HAL: variants seen among roughly 807,000 people sequenced by gnomAD.
HAL encodes the protein histidase.
A neutral mutation model predicts 81.1 loss-of-function variants in HAL; 85 were observed. That is an observed-to-expected ratio of 1.05 (90% CI 0.88 to 1.25). The LOEUF (loss-of-function observed/expected upper bound fraction) is 1.25, where lower values mean the gene tolerates loss of function less well. HAL is among the 50% of genes most tolerant of loss of function. The pLI is 0.00. For missense variants in HAL, 798 were observed against 836.6 expected, an observed-to-expected ratio of 0.95 and a Z score of 0.57; for synonymous variants, 301 against 309.2, an observed-to-expected ratio of 0.97 and a Z score of 0.28.
chr12:95,974,522 C>A, intron 20 of HAL, 150 bp from the exon 21 acceptor site: 1 of 739,716 alleles, frequency 1.4e-6, no homozygotes. Flanking sequence ...CCATTTGACA[C>A]ATGACCTGTG....
intron 17 of HAL, among the ~76,000 whole-genome samples, chr12:95,979,379 T>C (rs2080764369): frequency 6.6e-6 from 1 of 152,246 alleles, no homozygotes; most frequent in South Asian, 2.1e-4. Flanking sequence ...AGTATTTTTT[T>C]AGTGCTTATG....
intron 12 of HAL, 61 bp from the exon 13 acceptor site, chr12:95,986,221 G>C: frequency 3.9e-6 from 4 of 1,021,016 alleles, no homozygotes; most frequent in Non-Finnish European, 6.1e-6. Context: ...TTTTAAAGAT[G>C]GGGGTCTCAC....
At position 95,987,259 on chromosome 12, in the gene HAL, G is replaced by A. The variant is rs199553802; in HGVS notation, c.904-45C>T. On this transcript the variant is annotated intron_variant, in intron 11 of 20. Coordinates refer to ENST00000261208, the MANE Select transcript of HAL (RefSeq NM_002108.4). Reference sequence around the variant, plus strand: ...AGTTTCCTACTGTGATTATTGTAACGAACCTACATACCCGTGGATTTTGTA... The same window carrying A: ...AGTTTCCTACTGTGATTATTGTAACAAACCTACATACCCGTGGATTTTGTA... The A allele has an allele frequency of 6.0e-5, 91 of 1,514,258 alleles. 1 individual carries two copies. The highest frequency in any genetic ancestry group is 7.3e-5 in the Non-Finnish European group (80 of 1,089,126). 93.8% of individuals were successfully genotyped at this position (1,514,258 alleles called of 1,614,324 possible).
At chr12:95,988,379 A>C in intron 10 of HAL, 139 bp from the exon 11 acceptor site, 1 of 688,010 alleles carries the variant, frequency 1.5e-6, no homozygotes, top group Non-Finnish European at 2.6e-6. Flanking sequence ...AACTGGCTGT[A>C]TTCATGTTCT....
chr12:95,985,036 C>A (rs1949863771), intron 14 of HAL, among the ~76,000 whole-genome samples: 1 of 152,132 alleles, frequency 6.6e-6, no homozygotes, highest in East Asian at 1.9e-4. Context: ...ATGCCTAATG[C>A]CAACCCAGGT....
chr12:95,994,062 A>G (rs1950003933), intron 5 of HAL, 28 bp downstream of exon 5: 3 of 1,596,614 alleles, frequency 1.9e-6, no homozygotes, highest in Non-Finnish European at 1.7e-6. Flanking sequence ...AAATGGCCAG[A>G]GGACATCTTT....
Position 95,977,947 on chromosome 12 carries a change from G to C in HAL, c.1651C>G (p.Gln551Glu). 2.5e-6 allele frequency: 4 copies of C among 1,614,104 alleles called. No individual in the cohort carries two copies. Among genetic ancestry groups the C allele is most frequent in the South Asian group, 1.1e-5 (1 of 91,080 alleles). The change falls in exon 18 of 21, where the codon CAA becomes GAA. Residue 551 changes from glutamine (Q) to glutamate (E), a missense_variant. Coordinates refer to ENST00000261208, the MANE Select transcript of HAL (RefSeq NM_002108.4). ...ACCCCGAACTCATCAGCATTACCTT[G>C]CTCCACATGCTCGATGACCCTGAGG... ...KALRVIEHVE[Q>E]VLAIELLAAC...
intron 11 of HAL, among the ~76,000 whole-genome samples, chr12:95,987,701 G>A (rs1197190523): frequency 1.3e-5 from 2 of 152,080 alleles, no homozygotes; most frequent in African/African-American, 2.4e-5. Flanking sequence ...ATGCATTGTG[G>A]CATGAAGAAT....
rs759917804 is a variant in HAL at position 95,980,647 on chromosome 12, A to C, written c.1428T>G (p.Asn476Lys). 1.2e-4 allele frequency: 188 copies of C among 1,613,890 alleles called. No homozygotes were observed. Among genetic ancestry groups the C allele is most frequent in the Non-Finnish European group, 1.5e-4 (173 of 1,179,920 alleles). The change falls in exon 17 of 21, where the codon AAT becomes AAG. Residue 476 changes from asparagine to lysine, a missense_variant. Physicochemically the swap from Asn to Lys is moderately conservative, Grantham distance 94. Transcript: ENST00000261208. The stretch of plus-strand genomic sequence containing the variant: ...AGGCAGGCAGCTCACTGAGGGAGGG[A>C]TTGCAGAGCCGCTCGATTCTTCTCT... ...ISERRIERLC[N>K]PSLSELPAFL...
chr12:95,981,905 G>T (rs769677409), intron 15 of HAL, among the ~76,000 whole-genome samples: 1 of 152,204 alleles, frequency 6.6e-6, no homozygotes, highest in African/African-American at 2.4e-5. Context: ...CTGAGAACTT[G>T]CTGTGTGCAA....
chr12:95,995,883 C>T lies in HAL; in HGVS notation c.28G>A (p.Gly10Arg), dbSNP rs1304347305. 2 of 1,606,150 alleles carry T rather than the reference C, an allele frequency of 1.2e-6. No individual in the cohort carries two copies. The highest frequency in any genetic ancestry group is 1.7e-6 in the Non-Finnish European group (2 of 1,179,938). Residue 10 changes from glycine to arginine, a missense_variant, in exon 2 of 21, where the codon GGG (glycine) becomes AGG (arginine). Physicochemically the swap from Gly to Arg is moderately radical, Grantham distance 125. Coordinates refer to ENST00000261208, the MANE Select transcript of HAL (RefSeq NM_002108.4). ...TGGCAGGGCACTGCCAGCCATTCCC[C>T]ACGTACGTGCACCGTGTATCTGGGC... MPRYTVHVR[G>R]EWLAVPCQDA...
intron 11 of HAL, 67 bp downstream of exon 11, chr12:95,988,126 A>C (rs963666644): frequency 3.6e-6 from 3 of 836,406 alleles, no homozygotes; most frequent in Non-Finnish European, 6.3e-6. Context: ...GGCTGAGATT[A>C]AAACTGAAAA....
chr12:95,992,943 A>C, intron 8 of HAL, 138 bp from the exon 9 acceptor site: 1 of 780,190 alleles, frequency 1.3e-6, no homozygotes, highest in South Asian at 1.4e-5. Context: ...AGGTAGTTGG[A>C]CTACTCTCCC....
In HAL at chr12:95,973,517, G is replaced by A. The variant is rs2080678769; in HGVS notation, c.*715C>T. ...CCTCAAACTCCCATGTAAGCATTTG[G>A]GGGATACGTGTAGTGATAAGTACAA... is the stretch of plus-strand genomic sequence containing the variant. On this transcript the variant is annotated 3_prime_UTR_variant, in exon 21 of 21. Coordinates refer to ENST00000261208, the MANE Select transcript of HAL (RefSeq NM_002108.4). 1 of 152,182 alleles carries A rather than the reference G, an allele frequency of 6.6e-6. No individual in the cohort carries two copies. Among genetic ancestry groups the A allele is most frequent in the Non-Finnish European group, 1.5e-5 (1 of 68,072 alleles). The allele number at this position is 152,182 out of a possible 1,614,324, so 9.4% of individuals were successfully genotyped here.
Position 95,993,796 on chromosome 12 carries a change from G to A in HAL, c.527C>T (p.Thr176Ile). Residue 176 changes from threonine (T) to isoleucine (I), a missense_variant, in exon 7 of 21, where the codon ACT becomes ATT. Thr to Ile is a moderately conservative substitution (Grantham distance 89, BLOSUM62 -1). Coordinates refer to ENST00000261208, the MANE Select transcript of HAL (RefSeq NM_002108.4). ...CTGTAGCTTATTGATAGGAATTACA[G>A]TTCTGGCAAATTTCCCAAAACCTGT... is the stretch of plus-strand genomic sequence containing the variant. The part of the protein sequence containing the change: ...ITTGFGKFAR[T>I]VIPINKLQEL... The A allele has an allele frequency of 6.4e-7, 1 of 1,573,806 alleles. No homozygotes were observed. Among genetic ancestry groups the A allele is most frequent in the Non-Finnish European group, 8.7e-7 (1 of 1,143,358 alleles).
At chr12:95,992,045 T>C (rs1435937395) in intron 9 of HAL, among the ~76,000 whole-genome samples, 1 of 152,214 alleles carries the variant, frequency 6.6e-6, no homozygotes, top group Non-Finnish European at 1.5e-5. Flanking sequence ...CTAGAAGGCT[T>C]GTCCTTACCT....
intron 17 of HAL, among the ~76,000 whole-genome samples, chr12:95,980,154 A>G (rs2080773607): frequency 6.6e-6 from 1 of 152,212 alleles, no homozygotes; most frequent in East Asian, 1.9e-4. Flanking sequence ...GTTTAATTAT[A>G]GGTTTAAAAG....
chr12:95,996,133 G>A lies in HAL; in HGVS notation c.-137C>T, dbSNP rs924180626. ...AGGGGCAGGAGCAGGGGATGCAGACGGGTGAGCCTCCTGTCCACTTTCCAT... is the reference window on the plus strand; with the variant it reads ...AGGGGCAGGAGCAGGGGATGCAGACAGGTGAGCCTCCTGTCCACTTTCCAT... On this transcript the variant is annotated 5_prime_UTR_variant, in exon 1 of 21. Coordinates refer to ENST00000261208, the MANE Select transcript of HAL (RefSeq NM_002108.4). 50 of 564,632 alleles carry A rather than the reference G, an allele frequency of 8.9e-5. No homozygotes were observed. In the Admixed American group the frequency reaches 1.1e-3, roughly 13 times the overall value. The allele number at this position is 564,632 out of a possible 1,614,324, so 35.0% of individuals were successfully genotyped here. A position where few individuals can be genotyped will look rare whatever the true frequency, so the allele number is the denominator to read the frequency against.
rs142634377 is a variant in HAL, at chr12:95,974,366, C to T, written c.1840G>A (p.Glu614Lys). 1.9e-6 allele frequency: 3 copies of T among 1,613,530 alleles called. No homozygotes were observed. Among genetic ancestry groups the T allele is most frequent in the Non-Finnish European group, 2.5e-6 (3 of 1,179,566 alleles). Residue 614 changes from glutamate (E) to lysine (K), a missense_variant, in exon 21 of 21, where the codon GAA becomes AAA. Glu to Lys is a moderately conservative substitution (Grantham distance 56). Transcript: ENST00000261208. ...TTTTCAATGTATGGAGCAGCTACTTCCCAAACCTGAAAAGCAAGGACAAAA... is the reference window on the plus strand; with the variant it reads ...TTTTCAATGTATGGAGCAGCTACTTTCCAAACCTGAAAAGCAAGGACAAAA... ...HRLLLEQKVWEVAAPYIEKYR... is the reference protein window; with the variant it reads ...HRLLLEQKVWKVAAPYIEKYR...
Sources: gnomAD v4.1 joint callset for allele counts (sites outside exome capture counted in the v4.1 genomes callset) on GRCh38, gnomAD v4.1.1 for gene constraint, MANE v1.5 for transcripts, NCBI Gene and HGNC (gene_info 2026-07-23, HGNC 2026-07-21) for gene names.